OSBPL1A: variants seen among roughly 807,000 people sequenced by gnomAD.
The protein encoded by OSBPL1A is oxysterol-binding protein-related protein 1.
A neutral mutation model predicts 137.1 loss-of-function variants in OSBPL1A; 80 were observed. The ratio of observed to expected loss-of-function variants is 0.58; its 90% CI spans 0.49 to 0.70. OSBPL1A has a LOEUF of 0.70. Ranked by LOEUF, OSBPL1A falls within the 30% of genes least tolerant of loss-of-function variation. The probability of loss-of-function intolerance (pLI) is 0.00; values close to 1 mark genes in which losing one functional copy is unlikely to be tolerated. For synonymous variants in OSBPL1A, 365 were observed against 389.7 expected (o/e 0.94, Z 0.75); for missense variants, 970 against 1,129.4 (o/e 0.86, Z 2.02).
chr18:24,311,328 C>T, intron 13 of OSBPL1A: 1 of 302,666 alleles, frequency 3.3e-6, no homozygotes, highest in Non-Finnish European at 4.9e-6. Context: ...CAGACTGAAA[C>T]TCATCATCAT....
At chr18:24,201,025 A>G (rs1213206873) in intron 17 of OSBPL1A, among the ~76,000 whole-genome samples, 1 of 152,082 alleles carries the variant, frequency 6.6e-6, no homozygotes, top group Non-Finnish European at 1.5e-5. Flanking sequence ...GAGAGCAGCA[A>G]TCAGAATTTT....
intron 1 of OSBPL1A, among the ~76,000 whole-genome samples, chr18:24,392,100 T>C (rs138620989): frequency 2.1e-3 from 321 of 152,012 alleles, no homozygotes; most frequent in Middle Eastern, 6.8e-3. Flanking sequence ...AAGCGATCTG[T>C]CCACCTCAGC....
Position 24,358,096 on chromosome 18 carries a change from G to A in OSBPL1A, c.282+8796C>T, listed in dbSNP as rs117167088. On this transcript the variant is annotated intron_variant, in intron 4 of 27. Coordinates refer to ENST00000319481, the MANE Select transcript of OSBPL1A (RefSeq NM_080597.4). ...AGGGCTGTACACATTGGGGATGTAC[G>A]TGGAAGAACAGGTTTAGCATACGAT... is the stretch of plus-strand genomic sequence containing the variant. 286 of 253,732 alleles carry A rather than the reference G, an allele frequency of 1.1e-3. 3 individuals are homozygous for A. The East Asian group carries it at 0.019, about 17-fold the overall frequency. 15.7% of individuals were successfully genotyped at this position (253,732 alleles called of 1,614,324 possible).
chr18:24,222,359 T>C (rs2087920268), intron 17 of OSBPL1A, among the ~76,000 whole-genome samples: 1 of 152,200 alleles, frequency 6.6e-6, no homozygotes. Context: ...GTTAGTATCA[T>C]CTACCCTGTA....
chr18:24,291,034 A>G (rs528551742), intron 14 of OSBPL1A, among the ~76,000 whole-genome samples: 1 of 152,268 alleles, frequency 6.6e-6, no homozygotes, highest in South Asian at 2.1e-4. Context: ...AAACTACTCT[A>G]TATGGACACC....
intron 17 of OSBPL1A, among the ~76,000 whole-genome samples, chr18:24,210,928 A>G (rs1274267749): frequency 6.6e-6 from 1 of 150,442 alleles, no homozygotes; most frequent in Non-Finnish European, 1.5e-5. Context: ...TCATTTAATA[A>G]AAGTAAAAGT....
At chr18:24,174,022 T>C (rs1255530318) in intron 21 of OSBPL1A, among the ~76,000 whole-genome samples, 2 of 152,248 alleles carry the variant, frequency 1.3e-5, no homozygotes, top group Non-Finnish European at 2.9e-5. Flanking sequence ...GCATCTTCAA[T>C]TTGTATAATG....
At chr18:24,263,001 T>A (rs941900571) in intron 15 of OSBPL1A, among the ~76,000 whole-genome samples, 25 of 152,192 alleles carry the variant, frequency 1.6e-4, no homozygotes, top group Non-Finnish European at 1.5e-4. Flanking sequence ...TGTACATTTA[T>A]TCCATGATTT....
chr18:24,178,226 A>AC, intron 20 of OSBPL1A, 31 bp from the exon 21 acceptor site: 1 of 1,493,116 alleles, frequency 6.7e-7, no homozygotes, highest in Non-Finnish European at 9.0e-7. Flanking sequence ...AAAAAGAAAA[A>AC]AAAAAGCAAC....
chr18:24,178,825 G>A (rs1315182890), intron 20 of OSBPL1A, among the ~76,000 whole-genome samples: 2 of 151,874 alleles, frequency 1.3e-5, no homozygotes, highest in Admixed American at 1.3e-4. Context: ...AACATCTAGG[G>A]AATAAATGAG....
At chr18:24,188,674 T>G (rs1236060360) in intron 18 of OSBPL1A, among the ~76,000 whole-genome samples, 1 of 152,088 alleles carries the variant, frequency 6.6e-6, no homozygotes, top group Admixed American at 6.5e-5. Context: ...CTTGGAAGAG[T>G]GTAACATGCT....
chr18:24,240,469 A>G (rs1475949984), intron 15 of OSBPL1A, among the ~76,000 whole-genome samples: 1 of 152,174 alleles, frequency 6.6e-6, no homozygotes, highest in Non-Finnish European at 1.5e-5. Flanking sequence ...TGATAGGGAC[A>G]GTTTTGCCTA....
chr18:24,196,560 C>G (rs976455710), intron 17 of OSBPL1A, among the ~76,000 whole-genome samples: 6 of 152,304 alleles, frequency 3.9e-5, no homozygotes, highest in African/African-American at 1.4e-4. Context: ...CTACCATGTT[C>G]TGATACTTAA....
chr18:24,342,323 G>A (rs1239496068), intron 4 of OSBPL1A, among the ~76,000 whole-genome samples: 1 of 152,158 alleles, frequency 6.6e-6, no homozygotes, highest in Non-Finnish European at 1.5e-5. Flanking sequence ...CACTGGGCCA[G>A]TTATACAACT....
At position 24,166,564 on chromosome 18, in the gene OSBPL1A, G is replaced by A. The variant is rs1485688389; in HGVS notation, c.2659+15C>T. 4.4e-6 allele frequency: 7 copies of A among 1,597,230 alleles called. No individual in the cohort carries two copies. The highest frequency in any genetic ancestry group is 6.0e-6 in the Non-Finnish European group (7 of 1,174,514). On this transcript the variant is annotated intron_variant, in intron 26 of 27. Coordinates refer to ENST00000319481, the MANE Select transcript of OSBPL1A (RefSeq NM_080597.4). ...AAATGAGTCTTCACTGGTGGCTTTG[G>A]CGGATGCTAGTTACCTATCTCTCCA...
rs1032946525 is a variant in OSBPL1A, at chr18:24,373,281, C to T, written c.121+4132G>A. Among the ~76,000 whole-genome samples the T allele has an allele frequency of 3.3e-5, 5 of 152,228 alleles. No individual in the cohort carries two copies. In the East Asian group the frequency reaches 7.7e-4, roughly 23 times the overall value. On this transcript the variant is annotated intron_variant, in intron 2 of 27. Transcript: ENST00000319481. ...CCAGCAGGTATTACTGGGGAATATT[C>T]GAATAACTTCACATTTGGACCTCCT...
chr18:24,311,308 C>T (rs181633830), intron 13 of OSBPL1A: 6 of 240,956 alleles, frequency 2.5e-5, no homozygotes, highest in Admixed American at 6.5e-5. Context: ...TATATCCTGA[C>T]GTAATTATTC....
intron 15 of OSBPL1A, among the ~76,000 whole-genome samples, chr18:24,266,232 C>T (rs2089568900): frequency 6.6e-6 from 1 of 152,092 alleles, no homozygotes; most frequent in Non-Finnish European, 1.5e-5. Flanking sequence ...CCTGGCTTTC[C>T]CCACGCTCTC....
intron 7 of OSBPL1A, among the ~76,000 whole-genome samples, chr18:24,331,259 C>T (rs569504830): frequency 6.6e-6 from 1 of 152,264 alleles, no homozygotes; most frequent in East Asian, 1.9e-4. Flanking sequence ...CAACAAATAC[C>T]ATGGGGTGTG....
Sources: gnomAD v4.1 joint callset for allele counts (sites outside exome capture counted in the v4.1 genomes callset) on GRCh38, gnomAD v4.1.1 for gene constraint, MANE v1.5 for transcripts, NCBI Gene and HGNC (gene_info 2026-07-23, HGNC 2026-07-21) for gene names.